ETNK2: variants seen among roughly 807,000 people sequenced by gnomAD.
ETNK2 encodes the protein ethanolamine kinase-like protein.
In ETNK2, 33 loss-of-function variants were observed where a neutral mutation model predicts 46.2. The observed-to-expected ratio is 0.71, with a 90% CI of 0.54 to 0.96. The LOEUF is 0.96. Ranked by LOEUF, ETNK2 falls within the 40% of genes least tolerant of loss-of-function variation. ETNK2 has a pLI of 0.00. For missense variants in ETNK2, 445 were observed against 509.7 expected, an observed-to-expected ratio of 0.87 and a Z score of 1.22; for synonymous variants, 194 against 209.0, an observed-to-expected ratio of 0.93 and a Z score of 0.62.
intron 3 of ETNK2, among the ~76,000 whole-genome samples, chr1:204,146,424 G>T (rs1657782973): frequency 6.6e-6 from 1 of 152,134 alleles, no homozygotes. Flanking sequence ...TGAGCACATG[G>T]GTATAAAACT....
At chr1:204,147,426 G>T (rs774453034) in intron 2 of ETNK2, 2 of 533,374 alleles carry the variant, frequency 3.7e-6, no homozygotes, top group South Asian at 1.4e-5. Flanking sequence ...AGGAAAGGTT[G>T]CTGGGAGAAG....
intron 3 of ETNK2, among the ~76,000 whole-genome samples, chr1:204,144,775 C>T (rs1571627591): frequency 6.6e-6 from 1 of 152,290 alleles, no homozygotes; most frequent in East Asian, 1.9e-4. Flanking sequence ...CTCATCTACT[C>T]GTCACTCAGG....
chr1:204,147,749 T>C (rs1057320418), intron 2 of ETNK2, among the ~76,000 whole-genome samples: 1 of 152,206 alleles, frequency 6.6e-6, no homozygotes, highest in Non-Finnish European at 1.5e-5. Flanking sequence ...CATACCCTAC[T>C]GGGATAACAG....
At position 204,132,324 on chromosome 1, in the gene ETNK2, A is replaced by T; in HGVS notation, c.1089-68T>A. On this transcript the variant is annotated intron_variant, in intron 7 of 7. Coordinates refer to ENST00000367202, the MANE Select transcript of ETNK2 (RefSeq NM_018208.4). Reference sequence around the variant, plus strand: ...CAGGTGGGCCCTGCTGGGGGTGCTGACATCATGAGAAAAGTTTTTCAGTGG... The same window carrying T: ...CAGGTGGGCCCTGCTGGGGGTGCTGTCATCATGAGAAAAGTTTTTCAGTGG... The T allele has an allele frequency of 2.3e-6, 3 of 1,293,138 alleles. 1 individual carries two copies. In the South Asian group the frequency reaches 3.8e-5, roughly 16 times the overall value. The allele number at this position is 1,293,138 out of a possible 1,614,324, so 80.1% of individuals were successfully genotyped here.
Position 204,151,942 on chromosome 1 carries a change from CA to C in ETNK2, c.-91del. ...GGAGTGGGAGTGGTAGAGGAGGGGC[CA>C]GGGGAAGTCCATGACTCAGGCGCGA... On this transcript the variant is annotated 5_prime_UTR_variant, in exon 1 of 8. The change abolishes the stop of an existing upstream ORF in the 5' untranslated region. Transcript: ENST00000367202. This position sits in a 1 kb window ranked among gnomAD's most constrained non-coding sequence, Gnocchi z 8.0. The C allele has an allele frequency of 7.6e-7, 1 of 1,322,922 alleles. No individual in the cohort carries two copies. The highest frequency in any genetic ancestry group is 1.7e-5 in the South Asian group (1 of 59,006). The allele number at this position is 1,322,922 out of a possible 1,614,324, so 81.9% of individuals were successfully genotyped here.
intron 6 of ETNK2, among the ~76,000 whole-genome samples, chr1:204,134,941 G>C (rs1657225081): frequency 6.6e-6 from 1 of 152,150 alleles, no homozygotes; most frequent in Non-Finnish European, 1.5e-5. Context: ...AAATCTCTTG[G>C]AGTCTTCAAG....
chr1:204,138,922 C>G (rs1358427780), intron 5 of ETNK2: 2 of 152,270 alleles, frequency 1.3e-5, no homozygotes, highest in African/African-American at 2.4e-5. Flanking sequence ...GAATCACCCC[C>G]CTATCCTGCC....
rs1379875257 is a variant in ETNK2, at chr1:204,151,232, A to G, written c.258+363T>C. The G allele has an allele frequency of 2.6e-6, 1 of 388,062 alleles. No individual in the cohort carries two copies. The highest frequency in any genetic ancestry group is 6.6e-5 in the East Asian group (1 of 15,264). 24.0% of individuals were successfully genotyped at this position (388,062 alleles called of 1,614,324 possible). A position where few individuals can be genotyped will look rare whatever the true frequency, so the allele number is the denominator to read the frequency against. On this transcript the variant is annotated intron_variant, in intron 1 of 7. Transcript: ENST00000367202. The surrounding 1 kb of genome is among the most constrained non-coding windows in gnomAD (Gnocchi z 8.0). ...GGTCGGGGGGGCGGGGGGTCTCTTA[A>G]AAGTTCCCGCCTCCTCAGGTTTCAG...
At chr1:204,134,836 C>T (rs770368752) in intron 6 of ETNK2, 6 of 801,372 alleles carry the variant, frequency 7.5e-6, no homozygotes, top group Non-Finnish European at 1.2e-5. Context: ...TGTTTACCAA[C>T]CCTAAGGCAG....
At chr1:204,146,212 T>G (rs1657772998) in intron 3 of ETNK2, among the ~76,000 whole-genome samples, 1 of 152,026 alleles carries the variant, frequency 6.6e-6, no homozygotes, top group Admixed American at 6.5e-5. Flanking sequence ...CAGTCCCACC[T>G]CATTCTGAGG....
At chr1:204,140,824 G>A (rs1657487030) in intron 4 of ETNK2, among the ~76,000 whole-genome samples, 1 of 80,100 alleles carries the variant, frequency 1.2e-5, no homozygotes, top group Admixed American at 1.6e-4. Flanking sequence ...CGCCTGGCCA[G>A]ACTTTTTTTT....
intron 2 of ETNK2, among the ~76,000 whole-genome samples, chr1:204,147,845 G>A (rs900713376): frequency 6.6e-6 from 1 of 152,206 alleles, no homozygotes; most frequent in Admixed American, 6.5e-5. Context: ...GCAACCTCCT[G>A]GGTGAGAGAG....
intron 2 of ETNK2, chr1:204,147,453 A>T: frequency 1.9e-6 from 1 of 533,328 alleles, no homozygotes. Flanking sequence ...GTGAATGGAA[A>T]ACTGACCGGT....
chr1:204,141,419 C>A lies in ETNK2; in HGVS notation c.680G>T (p.Arg227Leu), dbSNP rs3737657. The stretch of plus-strand genomic sequence containing the variant: ...ATGCTCCTTCAGCCAGGCCAGCTCC[C>A]GTTCCAACACCTCTACCTTAGGGAC... ...ADVPKVEVLE[R>L]ELAWLKEHLS... Residue 227 changes from arginine (R) to leucine (L), a missense_variant, in exon 4 of 8, where the codon CGG becomes CTG. Physicochemically the swap from Arg to Leu is moderately radical, Grantham distance 102. Transcript: ENST00000367202. 4.3e-6 allele frequency: 7 copies of A among 1,609,536 alleles called. No individual in the cohort carries two copies. The highest frequency in any genetic ancestry group is 5.9e-6 in the Non-Finnish European group (7 of 1,177,786).
In ETNK2 at chr1:204,131,953, G is replaced by T; in HGVS notation, c.*231C>A. The stretch of plus-strand genomic sequence containing the variant: ...CTGCAGGCACTTCCTCCCAAGCCTG[G>T]TGGGGTGAAGGGGACCCCCGGAAGG... On this transcript the variant is annotated 3_prime_UTR_variant, in exon 8 of 8. Transcript: ENST00000367202. The surrounding 1 kb of genome is among the most constrained non-coding windows in gnomAD (Gnocchi z 4.3). 1.8e-6 allele frequency: 1 copy of T among 560,426 alleles called. No individual in the cohort carries two copies. The highest frequency in any genetic ancestry group is 2.9e-5 in the East Asian group (1 of 33,922). The allele number at this position is 560,426 out of a possible 1,614,324, so 34.7% of individuals were successfully genotyped here.
intron 6 of ETNK2, 122 bp from the exon 7 acceptor site, chr1:204,134,710 T>C (rs780733981): frequency 8.7e-6 from 14 of 1,602,796 alleles, no homozygotes; most frequent in Non-Finnish European, 1.2e-5. Flanking sequence ...AGAGATGTGG[T>C]GGGGTCTCCC....
chr1:204,143,281 T>G (rs966598153), intron 3 of ETNK2, among the ~76,000 whole-genome samples: 1 of 152,096 alleles, frequency 6.6e-6, no homozygotes, highest in Non-Finnish European at 1.5e-5. Flanking sequence ...GAGGGTTCCT[T>G]TGGTTTGCTC....
Position 204,146,662 on chromosome 1 carries a change from C to T in ETNK2, c.621G>A (p.Val207=). ...TGTACCTGGGGTTGATCTCGTTCTT[C>T]ACAAGCGTGAAATAATTGTGCATCT... The part of the protein sequence containing the change: ...WHKMHNYFTL[V]KNEINPSLSA... Residue 207 remains valine (V), a synonymous_variant, in exon 3 of 8, where the codon GTG becomes GTA. Transcript: ENST00000367202. 1.2e-6 allele frequency: 2 copies of T among 1,614,024 alleles called. No homozygotes were observed. Among genetic ancestry groups the T allele is most frequent in the Admixed American group, 3.3e-5 (2 of 60,026 alleles).
At chr1:204,139,308 G>A (rs1657407360) in intron 5 of ETNK2, among the ~76,000 whole-genome samples, 1 of 152,194 alleles carries the variant, frequency 6.6e-6, no homozygotes, top group Non-Finnish European at 1.5e-5. Flanking sequence ...AAGGAGCTTG[G>A]ACAAAGGAGT....
Sources: allele counts gnomAD v4.1 joint callset (sites outside exome capture counted in the v4.1 genomes callset), GRCh38; gene constraint gnomAD v4.1.1; non-coding constraint Gnocchi (gnomAD v3.1); transcripts MANE v1.5; gene names NCBI Gene and HGNC (gene_info 2026-07-23, HGNC 2026-07-21).